The following ATG4B variants were observed in gnomAD, a reference collection of about 807,000 sequenced individuals.
The protein encoded by ATG4B is cysteine protease ATG4B.
In ATG4B, 29 loss-of-function variants were observed where a neutral mutation model predicts 56.6. The ratio of observed to expected loss-of-function variants is 0.51; its 90% CI spans 0.38 to 0.70. The LOEUF (loss-of-function observed/expected upper bound fraction) is 0.70, where lower values mean the gene tolerates loss of function less well. Ranked by LOEUF, ATG4B falls within the 30% of genes least tolerant of loss-of-function variation. The pLI is 0.00. For synonymous variants in ATG4B, 224 were observed against 206.1 expected, an observed-to-expected ratio of 1.09 and a Z score of -0.74; for missense variants, 461 against 515.5, an observed-to-expected ratio of 0.89 and a Z score of 1.02.
chr2:241,670,671 C>T, intron 10 of ATG4B, 55 bp from the exon 11 acceptor site: 1 of 1,513,092 alleles, frequency 6.6e-7, no homozygotes, highest in Non-Finnish European at 9.1e-7. Flanking sequence ...GCCCCCACCT[C>T]TTAGCCGACT....
chr2:241,656,789 G>C (rs1194244154), intron 6 of ATG4B, among the ~76,000 whole-genome samples: 1 of 152,222 alleles, frequency 6.6e-6, no homozygotes, highest in Non-Finnish European at 1.5e-5. Flanking sequence ...GGTCCTTCAG[G>C]TGCTCAAACC....
Position 241,651,733 on chromosome 2 carries a change from T to C in ATG4B, c.184+398T>C. 2.3e-6 allele frequency: 1 copy of C among 439,652 alleles called. No individual in the cohort carries two copies. Among genetic ancestry groups the C allele is most frequent in the South Asian group, 2.0e-5 (1 of 50,404 alleles). The allele number at this position is 439,652 out of a possible 1,614,324, so 27.2% of individuals were successfully genotyped here. A position where few individuals can be genotyped will look rare whatever the true frequency, so the allele number is the denominator to read the frequency against. ...TGTTCTGGGTCACAGCTGTACAATG[T>C]GTTTCTTACTTAGGTCCAGAATGTT... On this transcript the variant is annotated intron_variant, in intron 3 of 12. Transcript: ENST00000404914. The surrounding 1 kb of genome is among the most constrained non-coding windows in gnomAD (Gnocchi z 4.1).
chr2:241,665,046 G>T (rs900439886), intron 7 of ATG4B, among the ~76,000 whole-genome samples: 3 of 152,192 alleles, frequency 2.0e-5, no homozygotes, highest in African/African-American at 7.2e-5. Context: ...CTTAAGTGCA[G>T]GTGTTTGAGG....
chr2:241,649,762 TTTTTCTTTTTC>T (rs1420603757), intron 1 of ATG4B, among the ~76,000 whole-genome samples: 32 of 152,006 alleles, frequency 2.1e-4, no homozygotes, highest in African/African-American at 5.3e-4. Context: ...TTCTTTCTTT[TTTTTCTTTTTC>T]TTTTCTTTTT....
In ATG4B at chr2:241,673,351, G is replaced by GC; in HGVS notation, c.*1089dup. ...GTGCACTCTGCCCCGCTGCTCTGCT[G>GC]CCTGTCCTGGGAAAGTATCTTTGCC... On this transcript the variant is annotated 3_prime_UTR_variant, in exon 13 of 13. Transcript: ENST00000404914. 5.6e-6 allele frequency: 2 copies of GC among 358,748 alleles called. No individual in the cohort carries two copies. Among genetic ancestry groups the GC allele is most frequent in the Non-Finnish European group, 1.1e-5 (2 of 180,578 alleles). The allele number at this position is 358,748 out of a possible 1,614,324, so 22.2% of individuals were successfully genotyped here. A position where few individuals can be genotyped will look rare whatever the true frequency, so the allele number is the denominator to read the frequency against.
At chr2:241,654,481 T>G in intron 4 of ATG4B, 65 bp from the exon 5 acceptor site, 1 of 1,079,644 alleles carries the variant, frequency 9.3e-7, no homozygotes, top group Non-Finnish European at 1.4e-6. Flanking sequence ...GTATCTTTAG[T>G]GTGAAAGTGA....
intron 12 of ATG4B, 77 bp downstream of exon 12, chr2:241,671,482 GGTTTT>G (rs2068968865): frequency 9.5e-6 from 15 of 1,573,200 alleles, no homozygotes; most frequent in Non-Finnish European, 1.3e-5. Context: ...TGGCCCCCTT[GGTTTT>G]GACCATTAAG....
chr2:241,638,588 A>G (rs1367999030), intron 1 of ATG4B, among the ~76,000 whole-genome samples: 1 of 152,214 alleles, frequency 6.6e-6, no homozygotes, highest in Non-Finnish European at 1.5e-5. Flanking sequence ...AAAGATTTTC[A>G]TCTGGTTTAA....
Position 241,668,195 on chromosome 2 carries a change from GCGC to G in ATG4B, c.787_789del (p.Ala263del). The G allele has an allele frequency of 6.2e-7, 1 of 1,607,638 alleles. No homozygotes were observed. Among genetic ancestry groups the G allele is most frequent in the Non-Finnish European group, 8.5e-7 (1 of 1,177,466 alleles). Reference sequence around the variant, plus strand: ...GGCGTCATCGGAGGGAAGCCCAACAGCGCCCACTACTTCATCGGCTACGTTGGT... The same window carrying G: ...GGCGTCATCGGAGGGAAGCCCAACAGCCACTACTTCATCGGCTACGTTGGT... On this transcript the variant is annotated inframe_deletion, in exon 9 of 13. Transcript: ENST00000404914. The surrounding 1 kb of genome is among the most constrained non-coding windows in gnomAD (Gnocchi z 4.2).
At chr2:241,671,225 C>T (rs112749497) in intron 11 of ATG4B, 87 bp from the exon 12 acceptor site, 27,346 of 1,196,444 alleles carry the variant, frequency 0.023, 1,339 homozygotes, top group East Asian at 0.17. Flanking sequence ...CAGGTTTGTC[C>T]GCTGGCTGTG....
chr2:241,671,224 C>A, intron 11 of ATG4B, 88 bp from the exon 12 acceptor site: 1 of 1,177,748 alleles, frequency 8.5e-7, no homozygotes, highest in Non-Finnish European at 1.2e-6. Context: ...ACAGGTTTGT[C>A]CGCTGGCTGT....
At chr2:241,659,348 G>C in intron 7 of ATG4B, 161 bp downstream of exon 7, 1 of 713,640 alleles carries the variant, frequency 1.4e-6, no homozygotes, top group Admixed American at 2.0e-5. Context: ...ATGCACGGTG[G>C]CCTCGCTCTC....
intron 4 of ATG4B, 142 bp downstream of exon 4, chr2:241,653,752 T>C (rs149592119): frequency 2.9e-6 from 2 of 685,464 alleles, no homozygotes; most frequent in African/African-American, 3.6e-5. Context: ...GAGCCACTTG[T>C]TTTTCTTGAT....
intron 11 of ATG4B, 86 bp downstream of exon 11, chr2:241,670,868 C>A: frequency 7.3e-7 from 1 of 1,369,482 alleles, no homozygotes; most frequent in Non-Finnish European, 1.0e-6. Flanking sequence ...GGCCTGCGTC[C>A]AGGTCTCAGG....
In ATG4B at chr2:241,672,363, C is replaced by T. The variant is rs922302411; in HGVS notation, c.*99C>T. 25 of 1,134,040 alleles carry T rather than the reference C, an allele frequency of 2.2e-5. 1 individual carries two copies. The highest frequency in any genetic ancestry group is 1.1e-4 in the Admixed American group (5 of 46,880). 70.2% of individuals were successfully genotyped at this position (1,134,040 alleles called of 1,614,324 possible). ...CGCTCGCCTGCCGAGGGCTGCGCCC[C>T]GTGCTGCCTCCCCCCAGAGGGCCAC... On this transcript the variant is annotated 3_prime_UTR_variant, in exon 13 of 13. Transcript: ENST00000404914.
chr2:241,643,678 G>GTGTGTATATA (rs1409852740), intron 1 of ATG4B, among the ~76,000 whole-genome samples: 1 of 134,068 alleles, frequency 7.5e-6, no homozygotes, highest in African/African-American at 3.0e-5. Flanking sequence ...GTGTGTGTGT[G>GTGTGTATATA]TGTATGTATA....
At chr2:241,654,455 G>T in intron 4 of ATG4B, 91 bp from the exon 5 acceptor site, 2 of 732,578 alleles carry the variant, frequency 2.7e-6, no homozygotes, top group Non-Finnish European at 4.5e-6. Context: ...TTCTGAAAAA[G>T]GTTTGGATGC....
chr2:241,670,385 C>A lies in ATG4B; in HGVS notation c.958-341C>A, dbSNP rs563582803. On this transcript the variant is annotated intron_variant, in intron 10 of 12. Coordinates refer to ENST00000404914, the MANE Select transcript of ATG4B (RefSeq NM_013325.5). ...ACCCAGCGGCCCTGCCTCACAGTCA[C>A]AGAGAGAAGAGCTCCCCACTTGGCC... 2.2e-4 allele frequency among the ~76,000 whole-genome samples: 34 copies of A among 152,222 alleles called. 1 individual carries two copies. Among genetic ancestry groups the A allele is most frequent in the African/African-American group, 7.9e-4 (33 of 41,536 alleles).
intron 10 of ATG4B, among the ~76,000 whole-genome samples, chr2:241,670,110 G>A (rs908120601): frequency 2.0e-5 from 3 of 152,232 alleles, no homozygotes; most frequent in African/African-American, 7.2e-5. Flanking sequence ...GGGGAAGAGA[G>A]TGCCCAGTTT....
Sources: allele counts gnomAD v4.1 joint callset (sites outside exome capture counted in the v4.1 genomes callset), GRCh38; gene constraint gnomAD v4.1.1; non-coding constraint Gnocchi (gnomAD v3.1); transcripts MANE v1.5; gene names NCBI Gene and HGNC (gene_info 2026-07-23, HGNC 2026-07-21).